The following GSE1 variants were observed in gnomAD, a reference collection of about 807,000 sequenced individuals.
The protein encoded by GSE1 is Gse1 coiled-coil protein, also known as genetic suppressor element 1.
GSE1 carries 32 observed loss-of-function variants against 112.6 expected under a neutral mutation model. The observed-to-expected ratio is 0.28, with a 90% CI of 0.21 to 0.38. The LOEUF is 0.38. Among genes scored for constraint, GSE1 ranks in the 10% least tolerant of loss-of-function variants. GSE1 has a pLI of 1.00. For missense variants in GSE1, 2,348 were observed against 1,699.2 expected (o/e 1.38, Z -6.71); for synonymous variants, 1,115 against 735.6 (o/e 1.52, Z -8.35).
Position 85,243,032 on chromosome 16 carries a change from C to T in GSE1, c.2283+71225C>T, listed in dbSNP as rs181688409. ...CTCGCTGTGTTGCCCAGGCTGGTCA[C>T]GGACTCCTAGGCTCAAGCAATCCTC... On this transcript the variant is annotated intron_variant, in intron 1 of 2. Coordinates refer to the GSE1 transcript ENST00000637419. Among the ~76,000 whole-genome samples the T allele has an allele frequency of 1.2e-3, 177 of 152,216 alleles. 1 individual carries two copies. Among genetic ancestry groups the T allele is most frequent in the African/African-American group, 3.9e-3 (163 of 41,536 alleles).
chr16:85,486,734 G>A (rs1323871911), intron 2 of GSE1, among the ~76,000 whole-genome samples: 1 of 152,088 alleles, frequency 6.6e-6, no homozygotes, highest in Non-Finnish European at 1.5e-5. Flanking sequence ...GGACGGAGCG[G>A]GCATCTGTCC....
At chr16:85,501,245 A>T (rs11149755) in intron 2 of GSE1, among the ~76,000 whole-genome samples, 5 of 151,422 alleles carry the variant, frequency 3.3e-5, no homozygotes. Flanking sequence ...CTCGTGATCC[A>T]CCTGCCTCGG....
chr16:85,632,149 T>C (rs1048495263), intron 1 of GSE1, among the ~76,000 whole-genome samples: 13 of 152,104 alleles, frequency 8.5e-5, no homozygotes, highest in African/African-American at 3.1e-4. Flanking sequence ...CAGGTCCCCC[T>C]CCACCCCTGG....
intron 1 of GSE1, among the ~76,000 whole-genome samples, chr16:85,614,656 C>T (rs1218195590): frequency 6.6e-6 from 1 of 152,188 alleles, no homozygotes; most frequent in African/African-American, 2.4e-5. Flanking sequence ...GGAGCACCTG[C>T]CGGGTTCCCA....
intron 1 of GSE1, among the ~76,000 whole-genome samples, chr16:85,591,431 A>G (rs2046998295): frequency 6.6e-6 from 1 of 152,250 alleles, no homozygotes; most frequent in Admixed American, 6.5e-5. Flanking sequence ...CAGTGGCTCT[A>G]ACTTTTCTCC....
chr16:85,478,964 TTTCCTTCCTTCCTTCCTTCC>T (rs59055887), intron 2 of GSE1, among the ~76,000 whole-genome samples: 2 of 62,134 alleles, frequency 3.2e-5, no homozygotes, highest in African/African-American at 1.5e-4. Context: ...TCTTTCTTTC[TTTCCTTCCTTCCTTCCTTCC>T]TTCCTTCCTT....
At chr16:85,318,199 C>T (rs565955159) in intron 1 of GSE1, among the ~76,000 whole-genome samples, 110 of 152,304 alleles carry the variant, frequency 7.2e-4, no homozygotes, top group African/African-American at 2.3e-3. Flanking sequence ...CAAAGGGCAT[C>T]GCTTTGAAGT....
chr16:85,201,249 G>A (rs1212955521), intron 1 of GSE1, among the ~76,000 whole-genome samples: 1 of 151,648 alleles, frequency 6.6e-6, no homozygotes, highest in African/African-American at 2.4e-5. Flanking sequence ...TTTTGTTTTT[G>A]TTTTAGAGAC....
chr16:85,248,728 G>A (rs1766872229), intron 1 of GSE1, among the ~76,000 whole-genome samples: 1 of 152,206 alleles, frequency 6.6e-6, no homozygotes, highest in Admixed American at 6.5e-5. Context: ...GGTGCTGGCT[G>A]GAGCCATCTC....
At chr16:85,325,968 C>T (rs1245744607) in intron 1 of GSE1, among the ~76,000 whole-genome samples, 2 of 151,326 alleles carry the variant, frequency 1.3e-5, no homozygotes, top group East Asian at 1.9e-4. Flanking sequence ...AGGCTGGTCT[C>T]GAACTCCTGA....
At chr16:85,382,351 G>A (rs1054247270) in intron 2 of GSE1, among the ~76,000 whole-genome samples, 1 of 152,226 alleles carries the variant, frequency 6.6e-6, no homozygotes, top group Non-Finnish European at 1.5e-5. Flanking sequence ...TCTGAGACAG[G>A]ATTTGCTTCC....
At chr16:85,241,789 C>A (rs1031326427) in intron 1 of GSE1, among the ~76,000 whole-genome samples, 1 of 152,130 alleles carries the variant, frequency 6.6e-6, no homozygotes, top group African/African-American at 2.4e-5. Flanking sequence ...TTTCCCAGAT[C>A]TCTCCTCCTG....
chr16:85,622,842 A>G (rs1056415361), intron 1 of GSE1, among the ~76,000 whole-genome samples: 5 of 152,160 alleles, frequency 3.3e-5, no homozygotes, highest in African/African-American at 4.8e-5. Context: ...TGTCGATGAC[A>G]TCTGAGTGGA....
intron 1 of GSE1, among the ~76,000 whole-genome samples, chr16:85,618,275 C>T (rs143087273): frequency 2.6e-5 from 4 of 152,264 alleles, no homozygotes; most frequent in African/African-American, 7.2e-5. Flanking sequence ...CACCCCCACC[C>T]CCATGTTCTC....
intron 1 of GSE1, among the ~76,000 whole-genome samples, chr16:85,268,288 C>T (rs368171211): frequency 2.0e-5 from 3 of 152,058 alleles, no homozygotes; most frequent in South Asian, 2.1e-4. Flanking sequence ...CACACAGCAT[C>T]GCACAGCTGT....
At position 85,199,043 on chromosome 16, in the gene GSE1, C is replaced by T. The variant is rs576043938; in HGVS notation, c.2283+27236C>T. On this transcript the variant is annotated intron_variant, in intron 1 of 2. Coordinates refer to the GSE1 transcript ENST00000637419. Reference sequence around the variant, plus strand: ...CACCACAACCTCTGCCTCCCTGGTTCAAGTGATTCTGCTGCCTCAGCCTCC... The same window carrying T: ...CACCACAACCTCTGCCTCCCTGGTTTAAGTGATTCTGCTGCCTCAGCCTCC... Among the ~76,000 whole-genome samples, 4 of 152,128 alleles carry T rather than the reference C, an allele frequency of 2.6e-5. No homozygotes were observed. The South Asian group carries it at 8.3e-4, about 32-fold the overall frequency.
At chr16:85,192,672 A>T (rs1161010817) in intron 1 of GSE1, among the ~76,000 whole-genome samples, 6 of 152,080 alleles carry the variant, frequency 3.9e-5, no homozygotes, top group African/African-American at 1.4e-4. Context: ...GGCACTGGGG[A>T]GCCTGGAGGC....
At chr16:85,488,814 C>A (rs1171978330) in intron 2 of GSE1, among the ~76,000 whole-genome samples, 1 of 151,986 alleles carries the variant, frequency 6.6e-6, no homozygotes, top group Non-Finnish European at 1.5e-5. Context: ...CGTCTGGGGA[C>A]CGGGGGGATC....
chr16:85,631,160 T>C lies in GSE1; in HGVS notation c.8-2754T>C, dbSNP rs146554900. On this transcript the variant is annotated intron_variant, in intron 1 of 15. Transcript: ENST00000253458. ...CCTGTGAGGGTGGGGCTCTGTCCTG[T>C]GCCACTTCGTCTTTCTAGACATTCC... 6.8e-3 allele frequency among the ~76,000 whole-genome samples: 1,036 copies of C among 152,330 alleles called. 12 individuals are homozygous for C. Among genetic ancestry groups the C allele is most frequent in the African/African-American group, 0.024 (993 of 41,572 alleles).
Sources: allele counts gnomAD v4.1 joint callset (sites outside exome capture counted in the v4.1 genomes callset), GRCh38; gene constraint gnomAD v4.1.1; transcripts MANE v1.5; gene names NCBI Gene and HGNC (gene_info 2026-07-23, HGNC 2026-07-21).